The following SLC5A12 variants were observed in gnomAD, a reference collection of about 807,000 sequenced individuals.
SLC5A12 encodes the protein solute carrier family 5 member 12, also known as sodium-coupled monocarboxylate transporter 2.
Under a neutral mutation model 72.7 loss-of-function variants are expected in SLC5A12, and 46 were observed. The ratio of observed to expected loss-of-function variants is 0.63; its 90% CI spans 0.50 to 0.81. The LOEUF (loss-of-function observed/expected upper bound fraction) is 0.81. SLC5A12 is among the 30% of genes least tolerant of loss of function. The probability of loss-of-function intolerance (pLI) is 0.00; values close to 1 mark genes in which losing one functional copy is unlikely to be tolerated. For synonymous variants in SLC5A12, 275 were observed against 264.4 expected (o/e 1.04, Z -0.39); for missense variants, 683 against 740.7 (o/e 0.92, Z 0.90).
In SLC5A12 at chr11:26,667,889, T is replaced by A. The variant is rs1367252436; in HGVS notation, c.*3213A>T. The A allele has an allele frequency of 6.6e-6, 1 of 151,996 alleles. No homozygotes were observed. The highest frequency in any genetic ancestry group is 1.5e-5 in the Non-Finnish European group (1 of 67,966). The allele number at this position is 151,996 out of a possible 1,614,324, so 9.4% of individuals were successfully genotyped here. A position where few individuals can be genotyped will look rare whatever the true frequency, so the allele number is the denominator to read the frequency against. ...ATATTCTGATCCCACATCTTAAAAATCCTGAAGAGAAATAATGAAACCATT... is the reference window on the plus strand; with the variant it reads ...ATATTCTGATCCCACATCTTAAAAAACCTGAAGAGAAATAATGAAACCATT... On this transcript the variant is annotated 3_prime_UTR_variant, in exon 15 of 15. Coordinates refer to ENST00000396005, the MANE Select transcript of SLC5A12 (RefSeq NM_178498.4).
chr11:26,697,339 T>C (rs1854845599), intron 7 of SLC5A12, 87 bp from the exon 8 acceptor site: 17 of 1,160,510 alleles, frequency 1.5e-5, no homozygotes, highest in Admixed American at 2.2e-5. Flanking sequence ...ATAGGATTAG[T>C]GGTCTTCTCA....
In SLC5A12 at chr11:26,692,262, T is replaced by C. The variant is rs74940250; in HGVS notation, c.1153+227A>G. The C allele has an allele frequency of 4.5e-3, 2,281 of 508,042 alleles. 44 individuals are homozygous for C. Among genetic ancestry groups the C allele is most frequent in the African/African-American group, 0.041 (2,138 of 51,782 alleles). The allele number at this position is 508,042 out of a possible 1,614,324, so 31.5% of individuals were successfully genotyped here. A position where few individuals can be genotyped will look rare whatever the true frequency, so the allele number is the denominator to read the frequency against. ...CCTCGTCTAGAGTGTAGGGTAAGTA[T>C]AGAAGAGTATCTGAAAATAAAGGCA... is the stretch of plus-strand genomic sequence containing the variant. On this transcript the variant is annotated intron_variant, in intron 9 of 14. Coordinates refer to ENST00000396005, the MANE Select transcript of SLC5A12 (RefSeq NM_178498.4).
chr11:26,694,762 CA>C (rs1402157548), intron 8 of SLC5A12, among the ~76,000 whole-genome samples: 3 of 151,880 alleles, frequency 2.0e-5, no homozygotes, highest in African/African-American at 7.3e-5. Context: ...AAAATTTTAC[CA>C]AAATATACCA....
rs1854318717 is a variant in SLC5A12 at position 26,678,580 on chromosome 11, G to A, written c.1579+132C>T. 8 of 661,078 alleles carry A rather than the reference G, an allele frequency of 1.2e-5. No homozygotes were observed. In the South Asian group the frequency reaches 1.5e-4, roughly 12 times the overall value. The allele number at this position is 661,078 out of a possible 1,614,324, so 41.0% of individuals were successfully genotyped here. On this transcript the variant is annotated intron_variant, in intron 13 of 14. Coordinates refer to ENST00000396005, the MANE Select transcript of SLC5A12 (RefSeq NM_178498.4). The stretch of plus-strand genomic sequence containing the variant: ...GCCTTTGTATGTCAGCGTTGAGAGA[G>A]TAGACATCTCTGTGGGAAGAAGGGT...
chr11:26,672,842 G>C (rs915537209), intron 14 of SLC5A12, among the ~76,000 whole-genome samples: 2 of 152,062 alleles, frequency 1.3e-5, no homozygotes, highest in Non-Finnish European at 1.5e-5. Flanking sequence ...GGTGCATCTT[G>C]CTGCGTCTTT....
At chr11:26,720,718 G>A (rs1051951019) in intron 1 of SLC5A12, among the ~76,000 whole-genome samples, 5 of 152,132 alleles carry the variant, frequency 3.3e-5, no homozygotes, top group African/African-American at 1.2e-4. Context: ...TGTCTTCATT[G>A]AGAATCATTG....
intron 1 of SLC5A12, among the ~76,000 whole-genome samples, chr11:26,713,912 C>T (rs1372064947): frequency 6.6e-6 from 1 of 152,140 alleles, no homozygotes; most frequent in Non-Finnish European, 1.5e-5. Context: ...TCCTTAGCTT[C>T]TGGTTCCATC....
At chr11:26,688,332 T>C (rs1040274227) in intron 9 of SLC5A12, among the ~76,000 whole-genome samples, 5 of 152,172 alleles carry the variant, frequency 3.3e-5, no homozygotes, top group African/African-American at 1.2e-4. Flanking sequence ...AGGTGAAACT[T>C]CTACCTCAAT....
chr11:26,689,991 G>A (rs1177329792), intron 9 of SLC5A12, among the ~76,000 whole-genome samples: 1 of 152,154 alleles, frequency 6.6e-6, no homozygotes, highest in East Asian at 1.9e-4. Context: ...GAGCAAAGGG[G>A]AGGAAGGAAG....
chr11:26,712,795 G>C (rs529220871), intron 1 of SLC5A12, 89 bp from the exon 2 acceptor site: 2 of 800,120 alleles, frequency 2.5e-6, no homozygotes, highest in East Asian at 5.5e-5. Flanking sequence ...ATCCTCTGTT[G>C]TGCTCTGGAC....
At chr11:26,700,996 A>T (rs1854945763) in intron 6 of SLC5A12, among the ~76,000 whole-genome samples, 1 of 152,204 alleles carries the variant, frequency 6.6e-6, no homozygotes, top group Admixed American at 6.5e-5. Flanking sequence ...TCTTAATTAC[A>T]TTAGGCTCTC....
intron 2 of SLC5A12, 61 bp from the exon 3 acceptor site, chr11:26,711,419 T>C: frequency 7.6e-7 from 1 of 1,311,952 alleles, no homozygotes; most frequent in Non-Finnish European, 1.1e-6. Context: ...GAAAACTGCC[T>C]AGAAAGTTCT....
chr11:26,702,253 G>C (rs1293614556), intron 6 of SLC5A12, among the ~76,000 whole-genome samples: 1 of 152,192 alleles, frequency 6.6e-6, no homozygotes, highest in Admixed American at 6.5e-5. Flanking sequence ...CCAGTGAATT[G>C]ATGGAACGCC....
At chr11:26,688,784 T>C (rs1040624191) in intron 9 of SLC5A12, among the ~76,000 whole-genome samples, 2 of 152,078 alleles carry the variant, frequency 1.3e-5, no homozygotes, top group African/African-American at 4.8e-5. Context: ...GATCCGGGTA[T>C]GATAAGGAAA....
At chr11:26,722,391 C>G (rs1313398177), upstream of SLC5A12, among the ~76,000 whole-genome samples, 1 of 152,108 alleles carries the variant, frequency 6.6e-6, no homozygotes, top group Non-Finnish European at 1.5e-5. Context: ...CTGAACTTCA[C>G]CTGGAACACA....
At chr11:26,695,750 T>C (rs1253617795) in intron 8 of SLC5A12, among the ~76,000 whole-genome samples, 3 of 152,162 alleles carry the variant, frequency 2.0e-5, no homozygotes, top group African/African-American at 7.2e-5. Context: ...GTTTCGAACC[T>C]TCTAATGACT....
intron 13 of SLC5A12, among the ~76,000 whole-genome samples, chr11:26,676,326 G>T (rs977974452): frequency 7.3e-6 from 1 of 137,402 alleles, no homozygotes; most frequent in African/African-American, 2.7e-5. Flanking sequence ...ATAGTTAAAA[G>T]CAAATAAATG....
intron 6 of SLC5A12, among the ~76,000 whole-genome samples, chr11:26,702,779 C>A (rs972037157): frequency 6.6e-6 from 1 of 152,080 alleles, no homozygotes; most frequent in Non-Finnish European, 1.5e-5. Context: ...TTTAAGAGTA[C>A]AAACATCTGT....
intron 4 of SLC5A12, 81 bp from the exon 5 acceptor site, chr11:26,704,028 T>C: frequency 6.9e-7 from 1 of 1,445,964 alleles, no homozygotes; most frequent in Non-Finnish European, 9.6e-7. Context: ...TGCTAATGCA[T>C]GCATGCATTC....
Sources: allele counts gnomAD v4.1 joint callset (sites outside exome capture counted in the v4.1 genomes callset), GRCh38; gene constraint gnomAD v4.1.1; transcripts MANE v1.5; gene names NCBI Gene and HGNC (gene_info 2026-07-23, HGNC 2026-07-21).